Variants in KATNIP observed in about 807,000 individuals in gnomAD.
KATNIP encodes katanin-interacting protein.
KATNIP carries 126 observed loss-of-function variants against 174.0 expected under a neutral mutation model. That is an observed-to-expected ratio of 0.72 (90% CI 0.63 to 0.84). The LOEUF (loss-of-function observed/expected upper bound fraction) is 0.84. KATNIP is among the 40% of genes least tolerant of loss of function. The pLI, the probability that KATNIP is intolerant of heterozygous loss-of-function variation, is 0.00. For missense variants in KATNIP, 1,958 were observed against 2,109.7 expected, an observed-to-expected ratio of 0.93 and a Z score of 1.41; for synonymous variants, 810 against 835.7, an observed-to-expected ratio of 0.97 and a Z score of 0.53.
chr16:27,696,720 A>G (rs1380802731), intron 8 of KATNIP, among the ~76,000 whole-genome samples: 4 of 148,540 alleles, frequency 2.7e-5, no homozygotes, highest in African/African-American at 9.9e-5. Flanking sequence ...ATAGTATTCC[A>G]CATTTTTTTT....
chr16:27,565,338 C>T (rs1463854729), intron 1 of KATNIP, among the ~76,000 whole-genome samples: 1 of 151,460 alleles, frequency 6.6e-6, no homozygotes, highest in Non-Finnish European at 1.5e-5. Flanking sequence ...TGATGTCGTA[C>T]CCCTGTAATC....
At chr16:27,734,727 G>C (rs2080836019) in intron 14 of KATNIP, among the ~76,000 whole-genome samples, 1 of 152,042 alleles carries the variant, frequency 6.6e-6, no homozygotes, top group Non-Finnish European at 1.5e-5. Flanking sequence ...AAAAGGGTAG[G>C]GGCTCAGAGC....
At chr16:27,559,228 A>G (rs906573570) in intron 1 of KATNIP, among the ~76,000 whole-genome samples, 2 of 152,190 alleles carry the variant, frequency 1.3e-5, no homozygotes, top group Non-Finnish European at 2.9e-5. Flanking sequence ...AGCTTTAACA[A>G]TTGCCCTATG....
chr16:27,631,003 C>A, intron 4 of KATNIP, 62 bp from the exon 5 acceptor site: 1 of 1,349,162 alleles, frequency 7.4e-7, no homozygotes, highest in Non-Finnish European at 1.0e-6. Context: ...TACAAACCAA[C>A]CCAGTACTGT....
chr16:27,556,454 G>C (rs2089633465), intron 1 of KATNIP, among the ~76,000 whole-genome samples: 1 of 152,118 alleles, frequency 6.6e-6, no homozygotes. Context: ...ATAATAATTA[G>C]ACAAAAGTTC....
intron 18 of KATNIP, among the ~76,000 whole-genome samples, 200 bp from the exon 19 acceptor site, chr16:27,761,213 C>T (rs2081942637): frequency 2.0e-5 from 3 of 152,190 alleles, no homozygotes; most frequent in Non-Finnish European, 2.9e-5. Flanking sequence ...TGCAGCTTAC[C>T]GTTGTTTCCT....
intron 6 of KATNIP, among the ~76,000 whole-genome samples, chr16:27,657,727 C>T (rs536431356): frequency 7.9e-5 from 12 of 152,082 alleles, no homozygotes; most frequent in Admixed American, 3.9e-4. Flanking sequence ...CTGGCCAACA[C>T]GGTGAAACCC....
intron 6 of KATNIP, among the ~76,000 whole-genome samples, chr16:27,663,432 A>G (rs1011569083): frequency 1.1e-4 from 17 of 150,388 alleles, no homozygotes; most frequent in Middle Eastern, 3.4e-3. Context: ...TTATTTATTT[A>G]TTTGTTTATT....
intron 1 of KATNIP, among the ~76,000 whole-genome samples, chr16:27,552,463 C>T (rs1008823432): frequency 1.3e-5 from 2 of 151,412 alleles, no homozygotes; most frequent in African/African-American, 2.4e-5. Flanking sequence ...CAACCTCTGC[C>T]TGCTGGGTTC....
chr16:27,746,500 C>T (rs1428752378), intron 15 of KATNIP, among the ~76,000 whole-genome samples: 1 of 152,114 alleles, frequency 6.6e-6, no homozygotes, highest in Non-Finnish European at 1.5e-5. Flanking sequence ...GGGGGGAGTC[C>T]CTCGGCCTCT....
At chr16:27,576,296 C>A (rs1250498417) in intron 2 of KATNIP, among the ~76,000 whole-genome samples, 1 of 152,122 alleles carries the variant, frequency 6.6e-6, no homozygotes, top group Non-Finnish European at 1.5e-5. Flanking sequence ...CTGGGAAGTG[C>A]TTGTAGTGAG....
At chr16:27,617,359 G>A (rs1567499286) in intron 2 of KATNIP, among the ~76,000 whole-genome samples, 1 of 152,166 alleles carries the variant, frequency 6.6e-6, no homozygotes, top group Admixed American at 6.5e-5. Context: ...CATTGGCACA[G>A]CATTCAAATG....
intron 10 of KATNIP, among the ~76,000 whole-genome samples, chr16:27,700,300 A>G (rs148598423): frequency 2.6e-5 from 4 of 152,364 alleles, no homozygotes; most frequent in Non-Finnish European, 4.4e-5. Context: ...ATCTAGGTCA[A>G]TTAAGTATAT....
intron 23 of KATNIP, among the ~76,000 whole-genome samples, chr16:27,774,148 C>T (rs1341844448): frequency 6.6e-6 from 1 of 152,148 alleles, no homozygotes; most frequent in Non-Finnish European, 1.5e-5. Flanking sequence ...CAGGGCAAGT[C>T]GAACCCCAAA....
chr16:27,752,889 C>T (rs2143846709), intron 17 of KATNIP, among the ~76,000 whole-genome samples: 1 of 152,326 alleles, frequency 6.6e-6, no homozygotes, highest in Non-Finnish European at 1.5e-5. Flanking sequence ...AGATGACCTT[C>T]AAGGTCAATT....
intron 1 of KATNIP, among the ~76,000 whole-genome samples, chr16:27,565,654 C>G (rs1424556172): frequency 6.6e-6 from 1 of 151,548 alleles, no homozygotes; most frequent in Non-Finnish European, 1.5e-5. Flanking sequence ...TGTGGTGGCA[C>G]ATACCTATAG....
intron 13 of KATNIP, among the ~76,000 whole-genome samples, chr16:27,721,024 C>G (rs1051336460): frequency 3.9e-5 from 6 of 152,208 alleles, no homozygotes; most frequent in African/African-American, 1.4e-4. Flanking sequence ...ACTGAAGCCT[C>G]CAAGCTTGGA....
chr16:27,737,189 A>G (rs1653921143), intron 14 of KATNIP, among the ~76,000 whole-genome samples: 1 of 152,018 alleles, frequency 6.6e-6, no homozygotes, highest in Non-Finnish European at 1.5e-5. Context: ...ACCAGCCTGG[A>G]CAACATAGTG....
At chr16:27,552,700 T>G (rs914600875) in intron 1 of KATNIP, among the ~76,000 whole-genome samples, 11 of 145,640 alleles carry the variant, frequency 7.6e-5, no homozygotes, top group Admixed American at 3.4e-4. Flanking sequence ...TTTTTTTTTT[T>G]TTTTTTTTTT....
Sources: gnomAD v4.1 joint callset for allele counts (sites outside exome capture counted in the v4.1 genomes callset) on GRCh38, gnomAD v4.1.1 for gene constraint, MANE v1.5 for transcripts, NCBI Gene and HGNC (gene_info 2026-07-23, HGNC 2026-07-21) for gene names.